Variants in DPF3 observed in about 807,000 individuals in gnomAD.
The protein encoded by DPF3 is zinc finger protein DPF3.
A neutral mutation model predicts 56.8 loss-of-function variants in DPF3; 18 were observed. The observed-to-expected ratio is 0.32, with a 90% CI of 0.22 to 0.47. The LOEUF (loss-of-function observed/expected upper bound fraction) is 0.47, where lower values mean the gene tolerates loss of function less well. DPF3 is among the 20% of genes least tolerant of loss of function. DPF3 has a pLI of 1.00. For missense variants in DPF3, 403 were observed against 488.8 expected, an observed-to-expected ratio of 0.82 and a Z score of 1.65; for synonymous variants, 188 against 180.2, an observed-to-expected ratio of 1.04 and a Z score of -0.35.
chr14:72,864,638 A>G (rs1885588769), intron 1 of DPF3, among the ~76,000 whole-genome samples: 1 of 152,260 alleles, frequency 6.6e-6, no homozygotes, highest in Non-Finnish European at 1.5e-5. Flanking sequence ...GGCCCTGTGC[A>G]TGGTGCTGCC....
In DPF3 at chr14:72,699,109, A is replaced by C. The variant is rs560819856; in HGVS notation, c.605-5896T>G. Among the ~76,000 whole-genome samples the C allele has an allele frequency of 7.2e-5, 11 of 152,296 alleles. No individual in the cohort carries two copies. The East Asian group carries it at 2.1e-3, about 29-fold the overall frequency. The stretch of plus-strand genomic sequence containing the variant: ...GGCAATGGATGTTATAAGTATGGGG[A>C]AAAGTGTCAGGAAGAGACTGTGGAG... On this transcript the variant is annotated intron_variant, in intron 6 of 10. Transcript: ENST00000556509.
At chr14:72,720,363 A>G (rs968596158) in intron 5 of DPF3, among the ~76,000 whole-genome samples, 4 of 152,246 alleles carry the variant, frequency 2.6e-5, no homozygotes, top group African/African-American at 9.6e-5. Flanking sequence ...AAGCATGGGC[A>G]AAACAGCTGA....
chr14:72,646,013 A>C (rs1885713574), intron 8 of DPF3, among the ~76,000 whole-genome samples: 1 of 152,164 alleles, frequency 6.6e-6, no homozygotes, highest in South Asian at 2.1e-4. Context: ...CAGTTTTAAC[A>C]AGATCCCCAG....
At chr14:72,749,655 T>C (rs1275662184) in intron 3 of DPF3, among the ~76,000 whole-genome samples, 1 of 152,148 alleles carries the variant, frequency 6.6e-6, no homozygotes, top group Non-Finnish European at 1.5e-5. Flanking sequence ...CGGTGGGAGA[T>C]GACTGAATCA....
chr14:72,884,715 C>A (rs1459755478), intron 1 of DPF3, among the ~76,000 whole-genome samples: 1 of 151,416 alleles, frequency 6.6e-6, no homozygotes, highest in Non-Finnish European at 1.5e-5. Context: ...TCACTCCAAG[C>A]CTCACCAGGT....
chr14:72,658,276 A>G (rs1210928949), intron 8 of DPF3, among the ~76,000 whole-genome samples: 2 of 152,176 alleles, frequency 1.3e-5, no homozygotes, highest in African/African-American at 4.8e-5. Flanking sequence ...AAATATCTAC[A>G]TCTACTATGT....
chr14:72,800,317 C>T (rs142509198), intron 1 of DPF3, among the ~76,000 whole-genome samples: 22 of 152,302 alleles, frequency 1.4e-4, no homozygotes, highest in African/African-American at 5.1e-4. Context: ...ATTTACTTTA[C>T]CTGCCTGGTC....
chr14:72,855,650 T>C (rs1433968782), intron 1 of DPF3, among the ~76,000 whole-genome samples: 4 of 152,166 alleles, frequency 2.6e-5, no homozygotes, highest in Admixed American at 2.6e-4. Context: ...CTATGAAGCT[T>C]AGTTTTATAG....
rs1221679595 is a variant in DPF3, at chr14:72,613,402, T to C, written c.*5895A>G. ...CAAGAGGGTTCTGGCTGCCTGCCAG[T>C]CCTGGTTCCTGCCTTCCTCTGGCCT... is the stretch of plus-strand genomic sequence containing the variant. On this transcript the variant is annotated 3_prime_UTR_variant, in exon 11 of 11. Coordinates refer to ENST00000556509, the MANE Select transcript of DPF3 (RefSeq NM_001280542.3). Among the ~76,000 whole-genome samples the C allele has an allele frequency of 6.6e-6, 1 of 152,226 alleles. No individual in the cohort carries two copies. The highest frequency in any genetic ancestry group is 1.5e-5 in the Non-Finnish European group (1 of 68,042).
Position 72,850,498 on chromosome 14 carries a change from T to A in DPF3, c.32+43559A>T, listed in dbSNP as rs1884937302. 2.0e-5 allele frequency among the ~76,000 whole-genome samples: 3 copies of A among 152,190 alleles called. 1 individual carries two copies. The South Asian group carries it at 6.2e-4, about 32-fold the overall frequency. On this transcript the variant is annotated intron_variant, in intron 1 of 10. Transcript: ENST00000556509. Reference sequence around the variant, plus strand: ...GTGAGTTCATCAGCAAATCCAGGGCTGGCAATCATTAGACAATATTTATCC... The same window carrying A: ...GTGAGTTCATCAGCAAATCCAGGGCAGGCAATCATTAGACAATATTTATCC...
At chr14:72,785,025 C>A (rs944925667) in intron 1 of DPF3, among the ~76,000 whole-genome samples, 1 of 152,024 alleles carries the variant, frequency 6.6e-6, no homozygotes. Context: ...GCAGCTCATG[C>A]CTGGAATCCC....
chr14:72,636,052 C>T (rs1421523510), intron 8 of DPF3, among the ~76,000 whole-genome samples: 1 of 152,124 alleles, frequency 6.6e-6, no homozygotes, highest in Non-Finnish European at 1.5e-5. Context: ...CTTAAATATC[C>T]ATGGTTCTCA....
intron 3 of DPF3, among the ~76,000 whole-genome samples, chr14:72,746,126 A>G (rs1188907924): frequency 6.6e-6 from 1 of 152,238 alleles, no homozygotes; most frequent in Non-Finnish European, 1.5e-5. Flanking sequence ...CCACTTTTGC[A>G]CAAACAAAAC....
At chr14:72,840,799 C>CT (rs1884514263) in intron 1 of DPF3, among the ~76,000 whole-genome samples, 2 of 152,160 alleles carry the variant, frequency 1.3e-5, no homozygotes, top group African/African-American at 2.4e-5. Context: ...ATGTCCTAAC[C>CT]AAAGACCATT....
At chr14:72,891,300 T>A (rs969981309) in intron 1 of DPF3, among the ~76,000 whole-genome samples, 15 of 129,626 alleles carry the variant, frequency 1.2e-4, no homozygotes, top group Non-Finnish European at 2.2e-4. Context: ...GTAGGAGACG[T>A]CCGTGGTGTT....
chr14:72,774,262 TAAAA>T (rs777564213), intron 1 of DPF3, among the ~76,000 whole-genome samples: 2 of 61,008 alleles, frequency 3.3e-5, no homozygotes, highest in South Asian at 7.9e-4. Context: ...AGACTCTGTC[TAAAA>T]AAAAAAAAAA....
rs78896978 is a variant in DPF3 at position 72,866,940 on chromosome 14, T to G, written c.32+27117A>C. 1.4e-4 allele frequency among the ~76,000 whole-genome samples: 21 copies of G among 150,176 alleles called. 1 individual carries two copies. The highest frequency in any genetic ancestry group is 2.7e-4 in the Non-Finnish European group (18 of 66,950). On this transcript the variant is annotated intron_variant, in intron 1 of 10. Coordinates refer to ENST00000556509, the MANE Select transcript of DPF3 (RefSeq NM_001280542.3). ...ATGCCTAGCCCACTGGTACTCATTT[T>G]CTAAGGGTATTCTTTTCTAACCAGA...
At chr14:72,782,360 A>T (rs1465138084) in intron 1 of DPF3, among the ~76,000 whole-genome samples, 1 of 151,852 alleles carries the variant, frequency 6.6e-6, no homozygotes, top group Non-Finnish European at 1.5e-5. Context: ...AGTAGCTGGG[A>T]CTACAGACAC....
In DPF3 at chr14:72,618,919, A is replaced by G. The variant is rs1884249456; in HGVS notation, c.*378T>C. Among the ~76,000 whole-genome samples, 1 of 152,186 alleles carries G rather than the reference A, an allele frequency of 6.6e-6. No individual in the cohort carries two copies. Among genetic ancestry groups the G allele is most frequent in the Non-Finnish European group, 1.5e-5 (1 of 68,034 alleles). ...GCCAAGATTTCTTGGAACACAATAG[A>G]TAAAAAAACACCACACTACACACAA... On this transcript the variant is annotated 3_prime_UTR_variant, in exon 11 of 11. Coordinates refer to ENST00000556509, the MANE Select transcript of DPF3 (RefSeq NM_001280542.3).
Sources: allele counts gnomAD v4.1 joint callset (sites outside exome capture counted in the v4.1 genomes callset), GRCh38; gene constraint gnomAD v4.1.1; transcripts MANE v1.5; gene names NCBI Gene and HGNC (gene_info 2026-07-23, HGNC 2026-07-21).